The following HYDIN variants were observed in gnomAD, a reference collection of about 807,000 sequenced individuals.
HYDIN encodes axonemal central pair apparatus protein HYDIN.
In HYDIN, 132 loss-of-function variants were observed where a neutral mutation model predicts 403.9. The ratio of observed to expected loss-of-function variants is 0.33; its 90% CI spans 0.28 to 0.38. The LOEUF (loss-of-function observed/expected upper bound fraction) is 0.38, where lower values mean the gene tolerates loss of function less well. HYDIN is among the 10% of genes least tolerant of loss of function. The pLI is 1.00. For synonymous variants in HYDIN, 1,202 were observed against 1,891.7 expected (o/e 0.64, Z 9.46); for missense variants, 2,827 against 5,009.5 (o/e 0.56, Z 13.15).
intron 23 of HYDIN, among the ~76,000 whole-genome samples, chr16:70,995,527 G>A (rs2079503333): frequency 6.6e-6 from 1 of 152,000 alleles, no homozygotes; most frequent in Non-Finnish European, 1.5e-5. Flanking sequence ...AATCTTTTGT[G>A]CTACAAAGTT....
At chr16:70,871,251 A>G (rs1352387569) in intron 65 of HYDIN, among the ~76,000 whole-genome samples, 1 of 151,974 alleles carries the variant, frequency 6.6e-6, no homozygotes, top group Non-Finnish European at 1.5e-5. Context: ...TATCCCTAAT[A>G]GCGCTCAAAG....
chr16:70,862,985 C>T, intron 68 of HYDIN, 100 bp downstream of exon 68: 1 of 718,900 alleles, frequency 1.4e-6, no homozygotes, highest in Non-Finnish European at 2.3e-6. Flanking sequence ...TCTTTAGCTA[C>T]TTAGGAGACC....
At chr16:70,994,192 C>T (rs1443939583) in intron 23 of HYDIN, among the ~76,000 whole-genome samples, 1 of 151,850 alleles carries the variant, frequency 6.6e-6, no homozygotes, top group Non-Finnish European at 1.5e-5. Context: ...TCTTTACATA[C>T]CCTATTGCAC....
At chr16:70,900,717 G>GTTCA (rs72371722) in intron 53 of HYDIN, among the ~76,000 whole-genome samples, 11,717 of 150,432 alleles carry the variant, frequency 0.078, 1,067 homozygotes, top group African/African-American at 0.21. Flanking sequence ...TTGTTCATTT[G>GTTCA]TTCATTCATT....
intron 75 of HYDIN, among the ~76,000 whole-genome samples, chr16:70,841,734 G>T (rs1404678904): frequency 6.6e-6 from 1 of 151,808 alleles, no homozygotes; most frequent in Non-Finnish European, 1.5e-5. Context: ...CCCCACCCCC[G>T]ACCTTTCTTC....
chr16:71,189,742 G>A (rs2087331615), intron 1 of HYDIN, among the ~76,000 whole-genome samples: 3 of 149,656 alleles, frequency 2.0e-5, no homozygotes. Context: ...ACTCTAGCCT[G>A]GGCAACACAG....
chr16:71,151,217 T>C (rs1406163394), intron 7 of HYDIN, among the ~76,000 whole-genome samples: 5 of 152,164 alleles, frequency 3.3e-5, no homozygotes, highest in African/African-American at 4.8e-5. Flanking sequence ...TAGTTTCTCT[T>C]GCTAGCAGCC....
At chr16:70,902,821 A>ATATTTTTTTTTTTTTT in intron 52 of HYDIN, among the ~76,000 whole-genome samples, 2 of 47,314 alleles carry the variant, frequency 4.2e-5, no homozygotes, top group African/African-American at 2.3e-4. Context: ...ATATATATAT[A>ATATTTTTTTTTTTTTT]TTTTTTTTTT....
chr16:70,964,440 G>A (rs997925095), intron 37 of HYDIN, among the ~76,000 whole-genome samples: 1 of 151,830 alleles, frequency 6.6e-6, no homozygotes, highest in African/African-American at 2.4e-5. Context: ...TACGTCCAAA[G>A]CCCTCAACGT....
At chr16:71,121,981 T>A (rs2084274662) in intron 9 of HYDIN, among the ~76,000 whole-genome samples, 1 of 147,522 alleles carries the variant, frequency 6.8e-6, no homozygotes, top group Non-Finnish European at 1.5e-5. Context: ...AAACTATGAA[T>A]CAAGTTAAGT....
intron 67 of HYDIN, among the ~76,000 whole-genome samples, chr16:70,863,511 T>C (rs2039539936): frequency 1.3e-5 from 2 of 152,176 alleles, no homozygotes; most frequent in African/African-American, 2.4e-5. Flanking sequence ...ACAAAATCTA[T>C]TTCACAAGAC....
chr16:71,223,642 A>C lies in HYDIN; in HGVS notation c.-24+6920T>G, dbSNP rs866584270. Reference sequence around the variant, plus strand: ...ACAAATCAGCAAGAAAAAAAAAAAAACAAATAATCCCTTCAAAAAGTGAGC... The same window carrying C: ...ACAAATCAGCAAGAAAAAAAAAAAACCAAATAATCCCTTCAAAAAGTGAGC... On this transcript the variant is annotated intron_variant, in intron 1 of 85. Coordinates refer to ENST00000393567, the MANE Select transcript of HYDIN (RefSeq NM_001270974.2). 3.2e-3 allele frequency among the ~76,000 whole-genome samples: 474 copies of C among 148,672 alleles called. 8 individuals carry two copies. Among genetic ancestry groups the C allele is most frequent in the Non-Finnish European group, 1.1e-3 (77 of 67,230 alleles).
chr16:70,887,903 T>G (rs1476579380), intron 58 of HYDIN, among the ~76,000 whole-genome samples: 1 of 152,158 alleles, frequency 6.6e-6, no homozygotes. Flanking sequence ...CAGGATGGTC[T>G]CGATCCCCTG....
rs569646608 is a variant in HYDIN, at chr16:70,860,988, C to T, written c.11778-87G>A. ...GGTTGGAAATGAATCTTATATCCAC[C>T]AGAATGTGAGCTCTATGGGAGCAGA... On this transcript the variant is annotated intron_variant, in intron 69 of 85. Transcript: ENST00000393567. The T allele has an allele frequency of 1.0e-5, 10 of 1,002,624 alleles. No homozygotes were observed. In the East Asian group the frequency reaches 2.1e-4, roughly 21 times the overall value. 62.1% of individuals were successfully genotyped at this position (1,002,624 alleles called of 1,614,324 possible).
Position 71,202,368 on chromosome 16 carries a change from T to G in HYDIN, c.-23-15450A>C, listed in dbSNP as rs541871492. Among the ~76,000 whole-genome samples, 3 of 152,324 alleles carry G rather than the reference T, an allele frequency of 2.0e-5. No homozygotes were observed. In the South Asian group the frequency reaches 6.2e-4, roughly 32 times the overall value. Reference sequence around the variant, plus strand: ...CATTTGCTACAATGAAGAACAGGTATTGAAATTACCATTTATTGATAACTA... The same window carrying G: ...CATTTGCTACAATGAAGAACAGGTAGTGAAATTACCATTTATTGATAACTA... On this transcript the variant is annotated intron_variant, in intron 1 of 85. Transcript: ENST00000393567.
At chr16:71,115,469 C>T (rs1207253010) in intron 10 of HYDIN, among the ~76,000 whole-genome samples, 2 of 152,154 alleles carry the variant, frequency 1.3e-5, no homozygotes, top group African/African-American at 2.4e-5. Context: ...CCATTTCCTC[C>T]ACATGCCACC....
chr16:71,013,711 GA>G (rs1256176639), intron 23 of HYDIN, among the ~76,000 whole-genome samples: 1 of 124,530 alleles, frequency 8.0e-6, no homozygotes, highest in Non-Finnish European at 1.7e-5. Context: ...TTAGAGAGAG[GA>G]AGAAATCCTA....
intron 1 of HYDIN, among the ~76,000 whole-genome samples, chr16:71,192,348 T>C (rs1436704592): frequency 6.6e-6 from 1 of 152,158 alleles, no homozygotes; most frequent in Non-Finnish European, 1.5e-5. Context: ...GCCTTTCCCA[T>C]ACCCCAGCCA....
At chr16:71,029,287 A>G (rs8058934) in intron 19 of HYDIN, among the ~76,000 whole-genome samples, 1,765 of 110,874 alleles carry the variant, frequency 0.016, 44 homozygotes, top group African/African-American at 0.058. Flanking sequence ...TATTTACAAA[A>G]GCAGGCAGAG....
Sources: allele counts gnomAD v4.1 joint callset (sites outside exome capture counted in the v4.1 genomes callset), GRCh38; gene constraint gnomAD v4.1.1; transcripts MANE v1.5; gene names NCBI Gene and HGNC (gene_info 2026-07-23, HGNC 2026-07-21).